ETV6: variants seen among roughly 807,000 people sequenced by gnomAD.
ETV6 encodes the protein ETS variant transcription factor 6.
In ETV6, 16 loss-of-function variants were observed where a neutral mutation model predicts 51.1. The observed-to-expected ratio is 0.31, with a 90% CI of 0.21 to 0.48. The LOEUF is 0.48. Among genes scored for constraint, ETV6 ranks in the 20% least tolerant of loss-of-function variants. ETV6 has a pLI of 0.99. For synonymous variants in ETV6, 240 were observed against 224.1 expected (o/e 1.07, Z -0.64); for missense variants, 458 against 594.8 (o/e 0.77, Z 2.39).
chr12:11,865,303 A>AAATCAT (rs1298870806), intron 4 of ETV6, among the ~76,000 whole-genome samples: 1 of 151,982 alleles, frequency 6.6e-6, no homozygotes. Context: ...AAAGACTATA[A>AAATCAT]AATCATAATA....
intron 7 of ETV6, 123 bp downstream of exon 7, chr12:11,886,149 C>CT: frequency 1.4e-6 from 1 of 702,704 alleles, no homozygotes; most frequent in Admixed American, 2.4e-5. Flanking sequence ...CCAATCATTG[C>CT]TACAAACTGG....
intron 2 of ETV6, among the ~76,000 whole-genome samples, chr12:11,795,319 G>A (rs761033079): frequency 1.3e-5 from 2 of 152,336 alleles, no homozygotes; most frequent in South Asian, 2.1e-4. Context: ...GCTGGTGGCC[G>A]GAGTGCCCCA....
At chr12:11,692,569 A>G (rs1864788066) in intron 1 of ETV6, among the ~76,000 whole-genome samples, 1 of 152,066 alleles carries the variant, frequency 6.6e-6, no homozygotes, top group African/African-American at 2.4e-5. Context: ...TTTGCAGGTA[A>G]AGCCATGTTC....
Position 11,891,045 on chromosome 12 carries a change from G to C in ETV6, c.1358G>C (p.Ter453SerextTer30). 6.2e-7 allele frequency: 1 copy of C among 1,611,864 alleles called. No homozygotes were observed. The highest frequency in any genetic ancestry group is 1.1e-5 in the South Asian group (1 of 91,032). The change falls in exon 8 of 8, where the codon TGA becomes TCA. Residue 453 changes from the stop codon to serine, a stop_lost. Coordinates refer to ENST00000396373, the MANE Select transcript of ETV6 (RefSeq NM_001987.5). ...DEQIYQEDEC[*>S] is the part of the protein sequence containing the mutation. ...CAAATATACCAAGAAGATGAATGCTGAAGGAACCAACAGTCCACCTCAGCG... is the reference window on the plus strand; with the variant it reads ...CAAATATACCAAGAAGATGAATGCTCAAGGAACCAACAGTCCACCTCAGCG...
intron 1 of ETV6, among the ~76,000 whole-genome samples, chr12:11,727,710 G>T (rs935336818): frequency 6.6e-6 from 1 of 152,224 alleles, no homozygotes; most frequent in Non-Finnish European, 1.5e-5. Flanking sequence ...TCACAGGCAG[G>T]GAAGAGGCCT....
chr12:11,777,571 G>A lies in ETV6; in HGVS notation c.163+24992G>A, dbSNP rs568793706. 1.7e-3 allele frequency among the ~76,000 whole-genome samples: 264 copies of A among 152,040 alleles called. 1 individual carries two copies. Among genetic ancestry groups the A allele is most frequent in the African/African-American group, 6.1e-3 (251 of 41,466 alleles). On this transcript the variant is annotated intron_variant, in intron 2 of 7. Coordinates refer to ENST00000396373, the MANE Select transcript of ETV6 (RefSeq NM_001987.5). ...ATTGTGTCAAAATGCAAATCTGGGCGTGCATTTTCCATTGTCCCCTCCCCA... is the reference window on the plus strand; with the variant it reads ...ATTGTGTCAAAATGCAAATCTGGGCATGCATTTTCCATTGTCCCCTCCCCA...
intron 4 of ETV6, among the ~76,000 whole-genome samples, chr12:11,857,069 G>A (rs117477250): frequency 2.6e-5 from 4 of 152,292 alleles, no homozygotes; most frequent in East Asian, 3.9e-4. Flanking sequence ...AAGCATGCAC[G>A]GTCAAGTGCA....
chr12:11,824,730 C>G (rs138588272), intron 2 of ETV6, among the ~76,000 whole-genome samples: 30 of 152,232 alleles, frequency 2.0e-4, no homozygotes, highest in African/African-American at 6.7e-4. Context: ...CTAGATCGCG[C>G]TAATGCACTC....
Position 11,806,853 on chromosome 12 carries a change from G to A in ETV6, c.164-32287G>A, listed in dbSNP as rs1341186320. Reference sequence around the variant, plus strand: ...TGCCGGACAGCACCAAAAATCCTGCGGAGCTCAACTCTGTGACCTCACCCT... The same window carrying A: ...TGCCGGACAGCACCAAAAATCCTGCAGAGCTCAACTCTGTGACCTCACCCT... On this transcript the variant is annotated intron_variant, in intron 2 of 7. Coordinates refer to ENST00000396373, the MANE Select transcript of ETV6 (RefSeq NM_001987.5). 3.3e-5 allele frequency among the ~76,000 whole-genome samples: 5 copies of A among 152,300 alleles called. 1 individual carries two copies. In the East Asian group the frequency reaches 9.6e-4, roughly 29 times the overall value.
intron 1 of ETV6, among the ~76,000 whole-genome samples, chr12:11,714,029 G>A (rs1865222936): frequency 6.6e-6 from 1 of 152,272 alleles, no homozygotes; most frequent in Admixed American, 6.5e-5. Context: ...TCTTTGGCAG[G>A]ACCCACAGAT....
At chr12:11,659,899 G>A (rs1030007000) in intron 1 of ETV6, among the ~76,000 whole-genome samples, 9 of 152,144 alleles carry the variant, frequency 5.9e-5, no homozygotes, top group African/African-American at 1.2e-4. Context: ...GAAGAGTGCC[G>A]GGGTCTCTAA....
At chr12:11,681,350 G>A (rs992435612) in intron 1 of ETV6, among the ~76,000 whole-genome samples, 52 of 152,268 alleles carry the variant, frequency 3.4e-4, no homozygotes, top group African/African-American at 1.1e-3. Flanking sequence ...CCTTTCTGCT[G>A]TGTTGTTGGT....
chr12:11,745,351 G>A (rs1173426343), intron 1 of ETV6, among the ~76,000 whole-genome samples: 5 of 152,156 alleles, frequency 3.3e-5, no homozygotes, highest in Non-Finnish European at 5.9e-5. Flanking sequence ...ACAGTAAATC[G>A]CCCATTTATC....
intron 4 of ETV6, among the ~76,000 whole-genome samples, chr12:11,865,731 C>T (rs1946782652): frequency 6.7e-6 from 1 of 149,096 alleles, no homozygotes; most frequent in Non-Finnish European, 1.5e-5. Context: ...TCATACTATG[C>T]ATATATAGTA....
At chr12:11,829,265 C>T (rs1293783545) in intron 2 of ETV6, among the ~76,000 whole-genome samples, 1 of 152,204 alleles carries the variant, frequency 6.6e-6, no homozygotes, top group Non-Finnish European at 1.5e-5. Flanking sequence ...TTGTCCTACC[C>T]AACCCCCCAA....
intron 2 of ETV6, among the ~76,000 whole-genome samples, chr12:11,797,236 T>C (rs1338512832): frequency 1.3e-5 from 2 of 152,108 alleles, no homozygotes; most frequent in Non-Finnish European, 2.9e-5. Flanking sequence ...GTCCCGGCAC[T>C]GGGAACACAG....
chr12:11,771,838 A>T (rs1403550058), intron 2 of ETV6, among the ~76,000 whole-genome samples: 1 of 152,216 alleles, frequency 6.6e-6, no homozygotes, highest in Admixed American at 6.5e-5. Context: ...TTGCATAGCA[A>T]AGAACTATAT....
At chr12:11,876,819 G>C (rs1229536153) in intron 5 of ETV6, among the ~76,000 whole-genome samples, 1 of 152,124 alleles carries the variant, frequency 6.6e-6, no homozygotes, top group Admixed American at 6.5e-5. Context: ...GGTCAGTTGG[G>C]TCATTAATCC....
At chr12:11,687,058 G>A (rs565529214) in intron 1 of ETV6, among the ~76,000 whole-genome samples, 1 of 152,054 alleles carries the variant, frequency 6.6e-6, no homozygotes, top group African/African-American at 2.4e-5. Context: ...GCTGATTTTT[G>A]TATTTTTAGT....
Sources: gnomAD v4.1 joint callset for allele counts (sites outside exome capture counted in the v4.1 genomes callset) on GRCh38, gnomAD v4.1.1 for gene constraint, MANE v1.5 for transcripts, NCBI Gene and HGNC (gene_info 2026-07-23, HGNC 2026-07-21) for gene names.